IGFL2: variants seen among roughly 807,000 people sequenced by gnomAD.
IGFL2 encodes insulin growth factor-like family member 2.
A neutral mutation model predicts 13.9 loss-of-function variants in IGFL2; 7 were observed. The ratio of observed to expected loss-of-function variants is 0.51; its 90% confidence interval spans 0.29 to 0.95. The LOEUF (loss-of-function observed/expected upper bound fraction) is 0.95, where lower values mean the gene tolerates loss of function less well. Ranked by LOEUF, IGFL2 falls within the 40% of genes least tolerant of loss-of-function variation. IGFL2 has a pLI of 0.08. For missense variants in IGFL2, 138 were observed against 147.8 expected (o/e 0.93, Z 0.34); for synonymous variants, 55 against 55.8 (o/e 0.99, Z 0.07).
At chr19:46,200,473 C>CCTTTCTTTT in the IGFL2 span, among the ~76,000 whole-genome samples, 18 of 134,278 alleles carry the variant, frequency 1.3e-4, no homozygotes, top group East Asian at 3.5e-3. Flanking sequence ...CACACCTGGC[C>CCTTTCTTTT]CTTTTCTTTT....
At chr19:46,103,867 T>C in the IGFL2 span, among the ~76,000 whole-genome samples, 1 of 152,158 alleles carries the variant, frequency 6.6e-6, no homozygotes, top group African/African-American at 2.4e-5. Flanking sequence ...TACTTGCGAC[T>C]TCCAGGAGGA....
chr19:46,153,947 C>T (rs1973662716), intron 1 of IGFL2, among the ~76,000 whole-genome samples: 1 of 151,906 alleles, frequency 6.6e-6, no homozygotes, highest in Non-Finnish European at 1.5e-5. Flanking sequence ...TTTTAAGCCC[C>T]GCATGCATTA....
At chr19:46,187,367 G>A in the IGFL2 span, among the ~76,000 whole-genome samples, 2 of 146,230 alleles carry the variant, frequency 1.4e-5, no homozygotes. Context: ...TAAACCTGAG[G>A]TTGTGCTGCT....
chr19:46,125,169 A>G, the IGFL2 span, among the ~76,000 whole-genome samples: 1 of 152,094 alleles, frequency 6.6e-6, no homozygotes, highest in African/African-American at 2.4e-5. Context: ...TTTGCTCTGG[A>G]GTCATTAGAG....
chr19:46,098,773 T>C, the IGFL2 span, among the ~76,000 whole-genome samples: 2,022 of 152,256 alleles, frequency 0.013, 31 homozygotes, highest in Middle Eastern at 0.027. Flanking sequence ...CATGAACCAC[T>C]GTGCCAGGCC....
the IGFL2 span, among the ~76,000 whole-genome samples, chr19:46,104,138 G>A: frequency 1.3e-5 from 2 of 152,190 alleles, no homozygotes; most frequent in Non-Finnish European, 2.9e-5. Flanking sequence ...CTAGCCTGCT[G>A]GAAGACTGGA....
At chr19:46,109,124 T>C in the IGFL2 span, among the ~76,000 whole-genome samples, 1 of 152,050 alleles carries the variant, frequency 6.6e-6, no homozygotes, top group African/African-American at 2.4e-5. Context: ...AAACAGGCTT[T>C]GTGTGAGCAA....
At chr19:46,182,964 TTCTCCCCATC>T in the IGFL2 span, among the ~76,000 whole-genome samples, 4 of 152,258 alleles carry the variant, frequency 2.6e-5, no homozygotes, top group Non-Finnish European at 4.4e-5. Context: ...TGCTTCCCAC[TTCTCCCCATC>T]TCTCCCAGAC....
chr19:46,103,596 T>C, the IGFL2 span, among the ~76,000 whole-genome samples: 11 of 151,712 alleles, frequency 7.3e-5, 1 homozygote, highest in Admixed American at 7.2e-4. Context: ...GGAGGAAAAA[T>C]GTAAACTGGC....
chr19:46,097,331 CTGTT>C, the IGFL2 span, among the ~76,000 whole-genome samples: 1 of 152,042 alleles, frequency 6.6e-6, no homozygotes, highest in Non-Finnish European at 1.5e-5. Flanking sequence ...TTTCTGATGG[CTGTT>C]TGTATTTCTG....
At chr19:46,160,535 C>G in intron 2 of IGFL2, 67 bp downstream of exon 2, 1 of 1,612,122 alleles carries the variant, frequency 6.2e-7, no homozygotes, top group African/African-American at 1.3e-5. Flanking sequence ...CATGGGGGTT[C>G]ACAGAGGGCT....
chr19:46,178,594 G>C, the IGFL2 span, among the ~76,000 whole-genome samples: 14 of 152,142 alleles, frequency 9.2e-5, no homozygotes, highest in African/African-American at 3.4e-4. Context: ...TATTCTCTCT[G>C]AAGCCTGCTA....
the IGFL2 span, chr19:46,119,921 T>C: frequency 1.1e-5 from 2 of 185,452 alleles, no homozygotes; most frequent in African/African-American, 2.4e-5. Flanking sequence ...CCACAACTCA[T>C]GAAGCCTCAG....
At chr19:46,152,444 T>A (rs1973553595) in intron 1 of IGFL2, among the ~76,000 whole-genome samples, 1 of 152,022 alleles carries the variant, frequency 6.6e-6, no homozygotes, top group Admixed American at 6.6e-5. Context: ...CCCTGGCTAA[T>A]TTTTTTATGT....
chr19:46,188,421 C>A, the IGFL2 span, among the ~76,000 whole-genome samples: 1 of 152,122 alleles, frequency 6.6e-6, no homozygotes, highest in South Asian at 2.1e-4. Flanking sequence ...ACCGCCCCCC[C>A]CACTCTCCTC....
chr19:46,145,637 T>TG (rs1568421133), upstream of IGFL2, among the ~76,000 whole-genome samples: 184 of 149,358 alleles, frequency 1.2e-3, no homozygotes, highest in African/African-American at 3.4e-3. Flanking sequence ...TGTGTGTGTA[T>TG]TTATTTATTT....
At chr19:46,156,485 C>G (rs944207337) in intron 1 of IGFL2, among the ~76,000 whole-genome samples, 1 of 152,070 alleles carries the variant, frequency 6.6e-6, no homozygotes, top group African/African-American at 2.4e-5. Context: ...TTTGATCAAG[C>G]TAATGACTAC....
chr19:46,080,414 T>C, the IGFL2 span, among the ~76,000 whole-genome samples: 1 of 149,210 alleles, frequency 6.7e-6, no homozygotes, highest in Non-Finnish European at 1.5e-5. Context: ...AAGAATAAAT[T>C]TAAAAGGAAA....
chr19:46,107,960 A>G, the IGFL2 span, among the ~76,000 whole-genome samples: 4 of 152,204 alleles, frequency 2.6e-5, no homozygotes, highest in Non-Finnish European at 4.4e-5. Flanking sequence ...AACCTTGACT[A>G]TGCCTTTAGC....
Sources: allele counts gnomAD v4.1 joint callset (sites outside exome capture counted in the v4.1 genomes callset), GRCh38; gene constraint gnomAD v4.1.1; transcripts MANE v1.5; gene names NCBI Gene and HGNC (gene_info 2026-07-23, HGNC 2026-07-21).